The following PCDHAC1 variants were observed in gnomAD, a reference collection of about 807,000 sequenced individuals.
The protein encoded by PCDHAC1 is protocadherin alpha subfamily C, 1.
Under a neutral mutation model 60.0 loss-of-function variants are expected in PCDHAC1, and 42 were observed. That is an observed-to-expected ratio of 0.70 (90% CI 0.55 to 0.90). The LOEUF (loss-of-function observed/expected upper bound fraction) is 0.90. Among genes scored for constraint, PCDHAC1 ranks in the 40% least tolerant of loss-of-function variants. PCDHAC1 has a pLI of 0.00. For missense variants in PCDHAC1, 1,160 were observed against 1,222.3 expected (o/e 0.95, Z 0.76); for synonymous variants, 468 against 499.3 (o/e 0.94, Z 0.84).
Position 140,993,289 on chromosome 5 carries a change from C to T in PCDHAC1, c.2581+10726C>T, listed in dbSNP as rs148346866. Among the ~76,000 whole-genome samples the T allele has an allele frequency of 3.6e-3, 552 of 152,140 alleles. 3 individuals are homozygous for T. The highest frequency in any genetic ancestry group is 0.01 in the Middle Eastern group (3 of 294). On this transcript the variant is annotated intron_variant, in intron 3 of 3. Coordinates refer to ENST00000253807, the MANE Select transcript of PCDHAC1 (RefSeq NM_018898.5). ...TCTTTGGTCTTTTCTTGCCCAGGGTCACAACCTTGCCTCCAGGATAATACC... is the reference window on the plus strand; with the variant it reads ...TCTTTGGTCTTTTCTTGCCCAGGGTTACAACCTTGCCTCCAGGATAATACC...
At chr5:140,981,049 T>C (rs2096916420) in intron 2 of PCDHAC1, among the ~76,000 whole-genome samples, 1 of 152,158 alleles carries the variant, frequency 6.6e-6, no homozygotes. Context: ...AAACAGATAA[T>C]TCTAGAGTGT....
Position 141,009,979 on chromosome 5 carries a change from T to C in PCDHAC1, c.*42T>C. 2.5e-6 allele frequency: 4 copies of C among 1,583,392 alleles called. No individual in the cohort carries two copies. Among genetic ancestry groups the C allele is most frequent in the Non-Finnish European group, 3.4e-6 (4 of 1,168,152 alleles). On this transcript the variant is annotated 3_prime_UTR_variant, in exon 4 of 4. Coordinates refer to ENST00000253807, the MANE Select transcript of PCDHAC1 (RefSeq NM_018898.5). The stretch of plus-strand genomic sequence containing the variant: ...CAAGCCACTTAGCCAGTTTTTGTAA[T>C]AATGGCAAATCTCTCCCATGTAGCA...
intron 1 of PCDHAC1, among the ~76,000 whole-genome samples, chr5:140,973,010 T>C (rs2096567986): frequency 6.6e-6 from 1 of 152,080 alleles, no homozygotes; most frequent in Admixed American, 6.6e-5. Context: ...GGTCGTGGTG[T>C]TGTGATTGTT....
intron 3 of PCDHAC1, among the ~76,000 whole-genome samples, chr5:140,986,174 A>G (rs896771813): frequency 1.3e-5 from 2 of 152,238 alleles, no homozygotes; most frequent in Admixed American, 6.5e-5. Flanking sequence ...CAGGATAAAC[A>G]AGTCAGGCAT....
chr5:140,973,666 A>G (rs531003588), intron 1 of PCDHAC1, among the ~76,000 whole-genome samples: 8 of 152,322 alleles, frequency 5.3e-5, no homozygotes, highest in African/African-American at 1.9e-4. Flanking sequence ...TATTTATTGT[A>G]GCTTGAATGT....
intron 1 of PCDHAC1, among the ~76,000 whole-genome samples, chr5:140,964,646 G>A (rs1554227128): frequency 6.6e-6 from 1 of 152,004 alleles, no homozygotes; most frequent in African/African-American, 2.4e-5. Context: ...TCAGAAACAA[G>A]TAATGGGTGA....
At chr5:140,967,246 G>A in intron 1 of PCDHAC1, 1 of 1,613,594 alleles carries the variant, frequency 6.2e-7, no homozygotes, top group Non-Finnish European at 8.5e-7. Context: ...TAAGCGAATC[G>A]GTGGCGCCTG....
At chr5:140,976,586 T>C (rs1029704575) in intron 1 of PCDHAC1, among the ~76,000 whole-genome samples, 2 of 151,988 alleles carry the variant, frequency 1.3e-5, no homozygotes, top group Non-Finnish European at 2.9e-5. Flanking sequence ...AAACACAGAC[T>C]TTTGTGTTAA....
chr5:140,969,037 C>T (rs1554231375), intron 1 of PCDHAC1: 1 of 1,614,158 alleles, frequency 6.2e-7, no homozygotes, highest in South Asian at 1.1e-5. Flanking sequence ...CAGAACTGTA[C>T]AAACAAGCCA....
intron 1 of PCDHAC1, among the ~76,000 whole-genome samples, chr5:140,943,498 A>T (rs2093507311): frequency 6.6e-6 from 1 of 152,164 alleles, no homozygotes; most frequent in Admixed American, 6.6e-5. Flanking sequence ...GATGCTATCA[A>T]GGTTCATGGA....
At chr5:140,985,690 C>G (rs752184454) in intron 3 of PCDHAC1, among the ~76,000 whole-genome samples, 1 of 151,742 alleles carries the variant, frequency 6.6e-6, no homozygotes, top group Admixed American at 6.6e-5. Flanking sequence ...TACGCTAATC[C>G]TCGTTCATAT....
intron 3 of PCDHAC1, among the ~76,000 whole-genome samples, chr5:141,004,307 A>G (rs924420604): frequency 6.6e-6 from 1 of 152,224 alleles, no homozygotes; most frequent in Admixed American, 6.5e-5. Context: ...TTTGTTTTAT[A>G]CAACAACCAG....
In PCDHAC1 at chr5:140,986,391, G is replaced by A. The variant is rs144915625; in HGVS notation, c.2581+3828G>A. Among the ~76,000 whole-genome samples, 1,153 of 152,256 alleles carry A rather than the reference G, an allele frequency of 7.6e-3. 6 individuals are homozygous for A. Among genetic ancestry groups the A allele is most frequent in the Middle Eastern group, 0.014 (4 of 294 alleles). ...GTTTTGGGGGGAGGGACATTAAAGG[G>A]CCAGTCGCTCATGTTACAGCTCTTT... On this transcript the variant is annotated intron_variant, in intron 3 of 3. Transcript: ENST00000253807.
chr5:140,967,841 A>G, intron 1 of PCDHAC1: 1 of 1,614,114 alleles, frequency 6.2e-7, no homozygotes, highest in Non-Finnish European at 8.5e-7. Flanking sequence ...CGTGGACGTG[A>G]ATGACAATGC....
chr5:140,943,525 T>C (rs891940980), intron 1 of PCDHAC1, among the ~76,000 whole-genome samples: 7 of 152,148 alleles, frequency 4.6e-5, no homozygotes, highest in African/African-American at 7.2e-5. Flanking sequence ...GAGTTCAGTA[T>C]GCAAAATGTC....
chr5:140,967,087 G>T (rs782556858), intron 1 of PCDHAC1: 2 of 1,613,138 alleles, frequency 1.2e-6, no homozygotes, highest in East Asian at 4.5e-5. Flanking sequence ...GCATTGATCG[G>T]GAGGCGCTGT....
chr5:140,984,861 C>A (rs1163314869), intron 3 of PCDHAC1, among the ~76,000 whole-genome samples: 1 of 151,870 alleles, frequency 6.6e-6, no homozygotes, highest in Non-Finnish European at 1.5e-5. Flanking sequence ...ATAATAACAC[C>A]TATTTTATTG....
At chr5:140,953,035 C>A (rs2094836412) in intron 1 of PCDHAC1, among the ~76,000 whole-genome samples, 1 of 152,116 alleles carries the variant, frequency 6.6e-6, no homozygotes, top group Admixed American at 6.5e-5. Flanking sequence ...GGAAATCCAC[C>A]CCCATGATCC....
In PCDHAC1 at chr5:140,935,562, C is replaced by T. The variant is rs180759633; in HGVS notation, c.2433+6237C>T. Among the ~76,000 whole-genome samples, 423 of 152,262 alleles carry T rather than the reference C, an allele frequency of 2.8e-3. 2 individuals carry two copies. The highest frequency in any genetic ancestry group is 0.014 in the Middle Eastern group (4 of 294). On this transcript the variant is annotated intron_variant, in intron 1 of 3. Transcript: ENST00000253807. Reference sequence around the variant, plus strand: ...TGTTTTAAAGTATCTTGGAAAAGTTCCTCTCTGTGTAGTTAAGCCACCAGC... The same window carrying T: ...TGTTTTAAAGTATCTTGGAAAAGTTTCTCTCTGTGTAGTTAAGCCACCAGC...
Sources: gnomAD v4.1 joint callset for allele counts (sites outside exome capture counted in the v4.1 genomes callset) on GRCh38, gnomAD v4.1.1 for gene constraint, MANE v1.5 for transcripts, NCBI Gene and HGNC (gene_info 2026-07-23, HGNC 2026-07-21) for gene names.